Variants in ATP10B observed in about 807,000 individuals in gnomAD.
ATP10B encodes the protein phospholipid-transporting ATPase VB.
ATP10B carries 122 observed loss-of-function variants against 141.2 expected under a neutral mutation model. That is an observed-to-expected ratio of 0.86 (90% confidence interval 0.75 to 1.00). ATP10B has a LOEUF of 1.00. ATP10B is among the 50% of genes least tolerant of loss of function. ATP10B has a pLI of 0.00. For synonymous variants in ATP10B, 685 were observed against 692.0 expected, an observed-to-expected ratio of 0.99 and a Z score of 0.16; for missense variants, 1,876 against 1,825.3, an observed-to-expected ratio of 1.03 and a Z score of -0.51.
At chr5:160,835,536 G>A (rs1439286194) in intron 1 of ATP10B, among the ~76,000 whole-genome samples, 1 of 152,090 alleles carries the variant, frequency 6.6e-6, no homozygotes, top group East Asian at 1.9e-4. Flanking sequence ...TGACCCACTG[G>A]CTTGAATTCA....
At chr5:160,870,862 T>G in the ATP10B span, among the ~76,000 whole-genome samples, 1 of 145,134 alleles carries the variant, frequency 6.9e-6, no homozygotes, top group African/African-American at 2.5e-5. Flanking sequence ...ACTGTAGGTA[T>G]AGAATGAAGC....
At chr5:160,738,510 TATTTA>T (rs144282511) in intron 2 of ATP10B, among the ~76,000 whole-genome samples, 12,635 of 152,132 alleles carry the variant, frequency 0.083, 537 homozygotes, top group Middle Eastern at 0.11. Flanking sequence ...GATACGCCAC[TATTTA>T]ATTTCTCAAA....
intron 24 of ATP10B, among the ~76,000 whole-genome samples, chr5:160,575,264 G>A (rs1015268577): frequency 2.0e-5 from 3 of 152,088 alleles, no homozygotes; most frequent in Admixed American, 6.5e-5. Flanking sequence ...TCCTAATGGT[G>A]TGTTTTTTTT....
the ATP10B span, among the ~76,000 whole-genome samples, chr5:160,903,012 A>G: frequency 3.3e-5 from 5 of 152,206 alleles, no homozygotes; most frequent in Admixed American, 6.5e-5. Context: ...TAGAAGAGAA[A>G]TGTCAGCAAC....
Position 160,688,114 on chromosome 5 carries a change from G to C in ATP10B, c.-20-20C>G, listed in dbSNP as rs763199226. The C allele has an allele frequency of 6.3e-7, 1 of 1,594,178 alleles. No homozygotes were observed. The highest frequency in any genetic ancestry group is 2.2e-5 in the East Asian group (1 of 44,730). On this transcript the variant is annotated intron_variant, in intron 4 of 25. Coordinates refer to ENST00000327245, the MANE Select transcript of ATP10B (RefSeq NM_025153.3). Reference sequence around the variant, plus strand: ...GAAGATCTGAAAACAGACACAGGAGGAGCTATGTTTAGGAGAAACGTGCAG... The same window carrying C: ...GAAGATCTGAAAACAGACACAGGAGCAGCTATGTTTAGGAGAAACGTGCAG...
At chr5:160,790,608 A>G (rs536930086) in intron 1 of ATP10B, among the ~76,000 whole-genome samples, 2 of 152,274 alleles carry the variant, frequency 1.3e-5, no homozygotes, top group African/African-American at 2.4e-5. Flanking sequence ...ATAAGTATCA[A>G]GGAGAAATTA....
At chr5:160,739,327 G>A (rs1391690320) in intron 2 of ATP10B, among the ~76,000 whole-genome samples, 2 of 152,168 alleles carry the variant, frequency 1.3e-5, no homozygotes, top group Non-Finnish European at 2.9e-5. Flanking sequence ...AGGGTAGCCA[G>A]GCAGTGCAAT....
At chr5:160,634,089 C>G (rs2127665100) in intron 12 of ATP10B, 1 of 558,862 alleles carries the variant, frequency 1.8e-6, no homozygotes. Context: ...TCATAAAGTG[C>G]TTTGTCTGGC....
intron 24 of ATP10B, among the ~76,000 whole-genome samples, chr5:160,587,256 A>G (rs1371799736): frequency 6.6e-6 from 1 of 152,192 alleles, no homozygotes; most frequent in Non-Finnish European, 1.5e-5. Flanking sequence ...GTTGAAGATC[A>G]GATGGTTGTA....
At chr5:160,791,776 G>T (rs1295313722) in intron 1 of ATP10B, among the ~76,000 whole-genome samples, 1 of 152,102 alleles carries the variant, frequency 6.6e-6, no homozygotes, top group Non-Finnish European at 1.5e-5. Flanking sequence ...CTCTATAGAA[G>T]GCTAAGGAGG....
At chr5:160,701,769 T>G (rs1008032458) in intron 3 of ATP10B, among the ~76,000 whole-genome samples, 12 of 150,900 alleles carry the variant, frequency 8.0e-5, no homozygotes, top group Non-Finnish European at 1.5e-4. Flanking sequence ...GAAGTCACCC[T>G]TTTATTCTAA....
intron 2 of ATP10B, among the ~76,000 whole-genome samples, chr5:160,771,574 ATAGG>A (rs1399226531): frequency 6.6e-6 from 1 of 152,236 alleles, no homozygotes; most frequent in Non-Finnish European, 1.5e-5. Context: ...TTTGATGTAC[ATAGG>A]TATAGTGAGA....
At chr5:160,667,684 C>G (rs973111514) in intron 7 of ATP10B, among the ~76,000 whole-genome samples, 1 of 152,190 alleles carries the variant, frequency 6.6e-6, no homozygotes, top group Non-Finnish European at 1.5e-5. Context: ...ATAGGCTGGT[C>G]TATAGCACCG....
At chr5:160,724,097 G>A (rs532618651) in intron 2 of ATP10B, among the ~76,000 whole-genome samples, 26 of 152,056 alleles carry the variant, frequency 1.7e-4, no homozygotes, top group Admixed American at 8.5e-4. Flanking sequence ...GTACAGAGAG[G>A]GGAAGAACAT....
upstream of ATP10B, among the ~76,000 whole-genome samples, chr5:160,852,422 T>C (rs1374752421): frequency 6.6e-6 from 1 of 152,186 alleles, no homozygotes; most frequent in Non-Finnish European, 1.5e-5. Context: ...CCTTTGGTAA[T>C]GCATGTAATT....
intron 7 of ATP10B, among the ~76,000 whole-genome samples, chr5:160,660,756 T>G (rs530088589): frequency 4.6e-5 from 7 of 152,208 alleles, no homozygotes; most frequent in Non-Finnish European, 1.0e-4. Flanking sequence ...GACATAACAT[T>G]GACATGCACA....
intron 2 of ATP10B, among the ~76,000 whole-genome samples, chr5:160,721,366 C>A (rs1226902343): frequency 5.9e-5 from 9 of 152,166 alleles, no homozygotes; most frequent in Admixed American, 3.3e-4. Context: ...AATGCTCTCA[C>A]TTTTGCCTCA....
chr5:160,670,486 C>T lies in ATP10B; in HGVS notation c.652G>A (p.Val218Ile). The T allele has an allele frequency of 1.2e-6, 2 of 1,614,024 alleles. No individual in the cohort carries two copies. The highest frequency in any genetic ancestry group is 1.1e-5 in the South Asian group (1 of 91,062). ...DGETNLKQRC[V>I]VKGFSQQEVQ... ...ACCTGCTGTGAGAAGCCCTTCACGA[C>T]ACATCTTTGCTTGAGGTTTGTCTCT... The change falls in exon 7 of 26, where the codon GTC becomes ATC. Residue 218 changes from valine to isoleucine, a missense_variant. Physicochemically the swap from Val to Ile is conservative, Grantham distance 29 (BLOSUM62 3). Transcript: ENST00000327245.
At chr5:160,575,833 A>G (rs1055683770) in intron 24 of ATP10B, among the ~76,000 whole-genome samples, 3 of 152,202 alleles carry the variant, frequency 2.0e-5, no homozygotes, top group African/African-American at 7.2e-5. Context: ...GAATTGAGCT[A>G]TAATAAGCCT....
Sources: gnomAD v4.1 joint callset for allele counts (sites outside exome capture counted in the v4.1 genomes callset) on GRCh38, gnomAD v4.1.1 for gene constraint, MANE v1.5 for transcripts, NCBI Gene and HGNC (gene_info 2026-07-23, HGNC 2026-07-21) for gene names.